The following STXBP3 variants were observed in gnomAD, a reference collection of about 807,000 sequenced individuals.
STXBP3 encodes the protein syntaxin binding protein 3.
A neutral mutation model predicts 85.7 loss-of-function variants in STXBP3; 41 were observed. The observed-to-expected ratio is 0.48, with a 90% CI of 0.37 to 0.62. STXBP3 has a LOEUF of 0.62. STXBP3 is among the 20% of genes least tolerant of loss of function. The pLI is 0.00. For synonymous variants in STXBP3, 229 were observed against 231.7 expected (o/e 0.99, Z 0.10); for missense variants, 563 against 703.1 (o/e 0.80, Z 2.25).
intron 17 of STXBP3, among the ~76,000 whole-genome samples, chr1:108,805,715 G>A (rs553220264): frequency 7.2e-5 from 11 of 152,268 alleles, no homozygotes; most frequent in Admixed American, 3.9e-4. Flanking sequence ...GAGCCACCAC[G>A]CCCAGCCAAG....
intron 6 of STXBP3, among the ~76,000 whole-genome samples, chr1:108,769,265 G>A (rs995392356): frequency 2.0e-5 from 3 of 152,054 alleles, no homozygotes; most frequent in Non-Finnish European, 4.4e-5. Context: ...TGGAGGAAGC[G>A]GAGGGATTGA....
At chr1:108,807,113 A>T (rs546958406) in intron 17 of STXBP3, among the ~76,000 whole-genome samples, 21 of 152,062 alleles carry the variant, frequency 1.4e-4, no homozygotes, top group Non-Finnish European at 2.8e-4. Context: ...TTAGCTGGGC[A>T]TGGTGGCACA....
chr1:108,776,222 A>T, intron 7 of STXBP3, 111 bp from the exon 8 acceptor site: 1 of 618,300 alleles, frequency 1.6e-6, no homozygotes, highest in East Asian at 3.1e-5. Context: ...ATAATTTTTC[A>T]TTTTGTAAAC....
chr1:108,768,559 C>T (rs1662317232), intron 6 of STXBP3, among the ~76,000 whole-genome samples: 1 of 151,998 alleles, frequency 6.6e-6, no homozygotes, highest in African/African-American at 2.4e-5. Context: ...AGGAATGTGG[C>T]TTATAAGAGG....
chr1:108,787,590 T>TA (rs1662886438), intron 11 of STXBP3, among the ~76,000 whole-genome samples: 1 of 152,118 alleles, frequency 6.6e-6, no homozygotes. Flanking sequence ...TTCTGGCTGA[T>TA]ACCTCCAGTA....
intron 11 of STXBP3, among the ~76,000 whole-genome samples, chr1:108,786,169 G>A (rs1662820456): frequency 6.6e-6 from 1 of 152,204 alleles, no homozygotes; most frequent in African/African-American, 2.4e-5. Context: ...TTGACTCACA[G>A]TTCCATATGG....
intron 15 of STXBP3, among the ~76,000 whole-genome samples, chr1:108,797,931 TATAA>T: frequency 1.3e-5 from 2 of 152,292 alleles, no homozygotes; most frequent in Non-Finnish European, 2.9e-5. Flanking sequence ...CTGATATGAT[TATAA>T]ATAAATTTTA....
intron 1 of STXBP3, among the ~76,000 whole-genome samples, 160 bp downstream of exon 1, chr1:108,746,946 C>T (rs1019395986): frequency 6.6e-6 from 1 of 152,194 alleles, no homozygotes; most frequent in Non-Finnish European, 1.5e-5. Context: ...CCTGCCCTGC[C>T]TTATTCCTTG....
At chr1:108,798,710 G>A (rs1166252024) in intron 16 of STXBP3, among the ~76,000 whole-genome samples, 1 of 151,970 alleles carries the variant, frequency 6.6e-6, no homozygotes. Context: ...CACTGCGCCC[G>A]GCTGAAGATT....
intron 17 of STXBP3, among the ~76,000 whole-genome samples, chr1:108,802,264 G>T (rs1663247558): frequency 6.6e-6 from 1 of 152,030 alleles, no homozygotes; most frequent in Non-Finnish European, 1.5e-5. Context: ...GGGCATGGTG[G>T]CACACTCCTG....
intron 11 of STXBP3, 80 bp downstream of exon 11, chr1:108,782,786 A>G (rs1662743246): frequency 1.5e-6 from 2 of 1,342,070 alleles, no homozygotes; most frequent in Non-Finnish European, 2.0e-6. Flanking sequence ...TTATTTCTGT[A>G]ACTTTTTATT....
intron 12 of STXBP3, among the ~76,000 whole-genome samples, chr1:108,794,534 G>A (rs547683780): frequency 1.3e-5 from 2 of 152,252 alleles, no homozygotes; most frequent in South Asian, 4.1e-4. Context: ...AACAGCATGG[G>A]GAAAATCACT....
intron 9 of STXBP3, 136 bp from the exon 10 acceptor site, chr1:108,782,286 C>G: frequency 1.6e-6 from 1 of 632,838 alleles, no homozygotes; most frequent in South Asian, 2.2e-5. Context: ...AGTAGGTATT[C>G]ATTACCCCCC....
chr1:108,758,593 G>A lies in STXBP3; in HGVS notation c.337+5G>A, dbSNP rs776828516. ...CATATATTTACTTCACTGACTGTAAGTCTTTTAAAAAGTTATTGCTTCATT... is the reference window on the plus strand; with the variant it reads ...CATATATTTACTTCACTGACTGTAAATCTTTTAAAAAGTTATTGCTTCATT... On this transcript the variant is annotated splice_donor_5th_base_variant and intron_variant, in intron 5 of 18. Coordinates refer to ENST00000370008, the MANE Select transcript of STXBP3 (RefSeq NM_007269.4). 2 of 1,463,996 alleles carry A rather than the reference G, an allele frequency of 1.4e-6. No homozygotes were observed. Among genetic ancestry groups the A allele is most frequent in the Non-Finnish European group, 1.8e-6 (2 of 1,092,086 alleles). 90.7% of individuals were successfully genotyped at this position (1,463,996 alleles called of 1,614,324 possible).
At chr1:108,758,132 A>G (rs1662059045) in intron 4 of STXBP3, among the ~76,000 whole-genome samples, 1 of 152,102 alleles carries the variant, frequency 6.6e-6, no homozygotes, top group African/African-American at 2.4e-5. Context: ...TTATCCATGT[A>G]GATGATACTT....
At chr1:108,807,576 GTTTTTT>G (rs375887364) in intron 18 of STXBP3, 27 bp downstream of exon 18, 6 of 1,342,660 alleles carry the variant, frequency 4.5e-6, no homozygotes, top group South Asian at 1.4e-5. Context: ...CTTCTTTTCT[GTTTTTT>G]TTTTTTTTTT....
chr1:108,774,640 C>CTTTT (rs11290690), intron 7 of STXBP3, among the ~76,000 whole-genome samples: 2 of 92,632 alleles, frequency 2.2e-5, no homozygotes, highest in Non-Finnish European at 2.1e-5. Context: ...TCTTTCTTTC[C>CTTTT]TTTTTTTTTT....
At chr1:108,747,116 C>G (rs1290355893) in intron 1 of STXBP3, among the ~76,000 whole-genome samples, 1 of 152,182 alleles carries the variant, frequency 6.6e-6, no homozygotes, top group Non-Finnish European at 1.5e-5. Flanking sequence ...CTCGGCCGCG[C>G]TCCCCACTCT....
chr1:108,779,269 T>C lies in STXBP3; in HGVS notation c.685-17T>C. On this transcript the variant is annotated splice_polypyrimidine_tract_variant and intron_variant, in intron 8 of 18. Transcript: ENST00000370008. ...GAAATTGAAGCTGCTTAAGATGATT[T>C]TATCTTGTTATTCTAGGGTAAAACT... 1 of 1,605,268 alleles carries C rather than the reference T, an allele frequency of 6.2e-7. No individual in the cohort carries two copies. The highest frequency in any genetic ancestry group is 8.5e-7 in the Non-Finnish European group (1 of 1,175,922).
Sources: gnomAD v4.1 joint callset for allele counts (sites outside exome capture counted in the v4.1 genomes callset) on GRCh38, gnomAD v4.1.1 for gene constraint, MANE v1.5 for transcripts, NCBI Gene and HGNC (gene_info 2026-07-23, HGNC 2026-07-21) for gene names.